Variants in NBR1 observed in about 807,000 individuals in gnomAD.
The protein encoded by NBR1 is next to BRCA1 gene 1 protein.
A neutral mutation model predicts 115.5 loss-of-function variants in NBR1; 59 were observed. That is an observed-to-expected ratio of 0.51 (90% CI 0.41 to 0.63). NBR1 has a LOEUF of 0.63. Ranked by LOEUF, NBR1 falls within the 30% of genes least tolerant of loss-of-function variation. The pLI, the probability that NBR1 is intolerant of heterozygous loss-of-function variation, is 0.00. For missense variants in NBR1, 1,043 were observed against 1,150.5 expected, an observed-to-expected ratio of 0.91 and a Z score of 1.35; for synonymous variants, 373 against 414.7, an observed-to-expected ratio of 0.90 and a Z score of 1.22.
rs1438971151 is a variant in NBR1 at position 43,210,839 on chromosome 17, T to C, written c.*765T>C. On this transcript the variant is annotated 3_prime_UTR_variant, in exon 21 of 21. Transcript: ENST00000590996. ...ATTGTGAAATATTTTGCTAATCTTA[T>C]AGAAAAGGAAAAAATCCCGTTATTT... 6 of 397,638 alleles carry C rather than the reference T, an allele frequency of 1.5e-5. No homozygotes were observed. Among genetic ancestry groups the C allele is most frequent in the South Asian group, 1.3e-4 (1 of 7,428 alleles). The allele number at this position is 397,638 out of a possible 1,614,324, so 24.6% of individuals were successfully genotyped here.
At chr17:43,207,389 G>C (rs1260000815) in intron 20 of NBR1, among the ~76,000 whole-genome samples, 1 of 152,132 alleles carries the variant, frequency 6.6e-6, no homozygotes, top group Non-Finnish European at 1.5e-5. Flanking sequence ...ACAGGGTCTT[G>C]CTCTGTCATC....
intron 20 of NBR1, among the ~76,000 whole-genome samples, chr17:43,208,561 T>C (rs2057358944): frequency 6.6e-6 from 1 of 152,078 alleles, no homozygotes; most frequent in African/African-American, 2.4e-5. Flanking sequence ...GATAGCACAG[T>C]TGGTAAGTAA....
rs2056990354 is a variant in NBR1 at position 43,193,280 on chromosome 17, T to C, written c.1233+27T>C. The stretch of plus-strand genomic sequence containing the variant: ...TAATTTTTCCCACAAAATGCAAAGA[T>C]GAGGTGATTTGAAGTGGCAGAGTGC... On this transcript the variant is annotated intron_variant, in intron 11 of 20. Coordinates refer to ENST00000590996, the MANE Select transcript of NBR1 (RefSeq NM_005899.5). The C allele has an allele frequency of 1.9e-6, 3 of 1,613,488 alleles. No homozygotes were observed. In the South Asian group the frequency reaches 3.3e-5, roughly 18 times the overall value.
At position 43,210,122 on chromosome 17, in the gene NBR1, T is replaced by G; in HGVS notation, c.*48T>G. On this transcript the variant is annotated 3_prime_UTR_variant, in exon 21 of 21. Coordinates refer to ENST00000590996, the MANE Select transcript of NBR1 (RefSeq NM_005899.5). Reference sequence around the variant, plus strand: ...CTGCCTGCTGCTCAGAGATGATCTTTATTCTGTCATTGGGGTATGGGATAG... The same window carrying G: ...CTGCCTGCTGCTCAGAGATGATCTTGATTCTGTCATTGGGGTATGGGATAG... 1.9e-6 allele frequency: 3 copies of G among 1,550,102 alleles called. No individual in the cohort carries two copies. Among genetic ancestry groups the G allele is most frequent in the Non-Finnish European group, 2.6e-6 (3 of 1,139,472 alleles).
Position 43,210,009 on chromosome 17 carries a change from A to G in NBR1, c.2836A>G (p.Ile946Val). The G allele has an allele frequency of 1.9e-6, 3 of 1,613,628 alleles. No individual in the cohort carries two copies. Among genetic ancestry groups the G allele is most frequent in the Non-Finnish European group, 2.5e-6 (3 of 1,179,684 alleles). ...LRLLKKHNYN[I>V]LQVVTELLQL... ...GCTGCTGAAGAAACACAATTACAAT[A>G]TCCTGCAGGTTGTGACAGAACTTCT... Residue 946 changes from isoleucine (I) to valine (V), a missense_variant, in exon 21 of 21, where the codon ATC becomes GTC. By Grantham distance (29) the Ile-to-Val change is conservative. Coordinates refer to ENST00000590996, the MANE Select transcript of NBR1 (RefSeq NM_005899.5).
chr17:43,188,977 C>A, intron 6 of NBR1, 65 bp from the exon 7 acceptor site: 1 of 1,142,480 alleles, frequency 8.8e-7, no homozygotes, highest in Non-Finnish European at 1.3e-6. Context: ...AAATAATACA[C>A]TCCAGGAAAA....
At chr17:43,177,829 T>G in intron 2 of NBR1, 107 bp from the exon 3 acceptor site, 1 of 969,058 alleles carries the variant, frequency 1.0e-6, no homozygotes, top group Non-Finnish European at 1.4e-6. Flanking sequence ...CCCTTTGTTA[T>G]GGGTTATTAA....
chr17:43,210,662 C>A lies in NBR1; in HGVS notation c.*588C>A, dbSNP rs2057400987. 1 of 398,516 alleles carries A rather than the reference C, an allele frequency of 2.5e-6. No individual in the cohort carries two copies. The highest frequency in any genetic ancestry group is 4.4e-6 in the Non-Finnish European group (1 of 226,046). 24.7% of individuals were successfully genotyped at this position (398,516 alleles called of 1,614,324 possible). A position where few individuals can be genotyped will look rare whatever the true frequency, so the allele number is the denominator to read the frequency against. ...TTGGCACCGTTGCTTTCTAAAGACT[C>A]CATGGTGCATTCAAGAGTATCCAAC... is the stretch of plus-strand genomic sequence containing the variant. On this transcript the variant is annotated 3_prime_UTR_variant, in exon 21 of 21. Transcript: ENST00000590996.
At chr17:43,176,064 T>C in intron 2 of NBR1, 163 bp downstream of exon 2, 1 of 525,540 alleles carries the variant, frequency 1.9e-6, no homozygotes, top group Non-Finnish European at 3.4e-6. Context: ...TATTCATATA[T>C]GAGATGTGCC....
chr17:43,186,383 A>G lies in NBR1; in HGVS notation c.341A>G (p.Tyr114Cys), dbSNP rs756845401. The G allele has an allele frequency of 6.2e-7, 1 of 1,601,886 alleles. No homozygotes were observed. Among genetic ancestry groups the G allele is most frequent in the South Asian group, 1.1e-5 (1 of 88,374 alleles). ...GCAGGGAAGAAGCCACTTGCACATT[A>G]CTCTTCACTGGTGAGAGTCTTGGGA... ...ARAGKKPLAH[Y>C]SSLVRVLGSD... Residue 114 changes from tyrosine to cysteine, a missense_variant, in exon 6 of 21, where the codon TAC (tyrosine) becomes TGC (cysteine). Coordinates refer to ENST00000590996, the MANE Select transcript of NBR1 (RefSeq NM_005899.5).
Position 43,191,390 on chromosome 17 carries a change from T to C in NBR1, c.882T>C (p.Asp294=). 1 of 1,612,860 alleles carries C rather than the reference T, an allele frequency of 6.2e-7. No individual in the cohort carries two copies. ...LEQVRLQKQV[D]KNFLKAEKQR... Reference sequence around the variant, plus strand: ...CTCACAGGCTCCAGAAACAGGTTGATAAGAACTTTCTTAAAGCAGAAAAGC... The same window carrying C: ...CTCACAGGCTCCAGAAACAGGTTGACAAGAACTTTCTTAAAGCAGAAAAGC... Residue 294 remains aspartate, a synonymous_variant, in exon 10 of 21, where the codon GAT becomes GAC. Transcript: ENST00000590996.
chr17:43,205,073 T>A (rs989518412), intron 20 of NBR1, among the ~76,000 whole-genome samples: 2 of 152,052 alleles, frequency 1.3e-5, no homozygotes, highest in African/African-American at 4.8e-5. Context: ...GATACTATGC[T>A]GGCCGGGTGT....
chr17:43,197,242 G>A, intron 16 of NBR1, 136 bp downstream of exon 16: 1 of 909,756 alleles, frequency 1.1e-6, no homozygotes. Flanking sequence ...GATCTTGGCG[G>A]GGCGTGGTGG....
rs1432339023 is a variant in NBR1, at chr17:43,203,775, G to C, written c.2716G>C (p.Val906Leu). The change falls in exon 20 of 21, where the codon GTC (valine) becomes CTC (leucine). Residue 906 changes from valine (V) to leucine (L), a missense_variant. Physicochemically the swap from Val to Leu is conservative, Grantham distance 32 (BLOSUM62 1). Transcript: ENST00000590996. ...CAAGGCCCTGTTTGCTGGGCCACCA[G>C]TCACTGCACAGGTCAGTGTGTGTGT... Reference protein sequence around the residue: ...AYKALFAGPPVTAQPIISEDQ... With the variant: ...AYKALFAGPPLTAQPIISEDQ... 6.3e-7 allele frequency: 1 copy of C among 1,593,374 alleles called. No individual in the cohort carries two copies.
chr17:43,199,469 G>C (rs1598006338), intron 16 of NBR1, among the ~76,000 whole-genome samples: 1 of 151,780 alleles, frequency 6.6e-6, no homozygotes, highest in African/African-American at 2.4e-5. Flanking sequence ...CGCCTTCCCA[G>C]GTTCACACCA....
intron 1 of NBR1, among the ~76,000 whole-genome samples, chr17:43,174,822 G>A (rs1271357355): frequency 3.3e-5 from 5 of 151,536 alleles, no homozygotes; most frequent in Non-Finnish European, 1.5e-5. Flanking sequence ...AAGGCCAGGT[G>A]CGGTGGCTCA....
chr17:43,209,862 ATTTTTT>A, intron 20 of NBR1, 33 bp from the exon 21 acceptor site: 3 of 1,367,010 alleles, frequency 2.2e-6, no homozygotes, highest in Admixed American at 3.3e-5. Context: ...ATTATACAGA[ATTTTTT>A]TTTTTTTTTT....
At chr17:43,186,553 A>T in intron 6 of NBR1, 109 bp downstream of exon 6, 1 of 970,716 alleles carries the variant, frequency 1.0e-6, no homozygotes. Context: ...AAGTTCTGAG[A>T]TACATGTGCA....
At chr17:43,176,069 T>C in intron 2 of NBR1, 168 bp downstream of exon 2, 1 of 505,764 alleles carries the variant, frequency 2.0e-6, no homozygotes, top group Non-Finnish European at 3.6e-6. Context: ...ATATATGAGA[T>C]GTGCCCCAAT....
Sources: gnomAD v4.1 joint callset for allele counts (sites outside exome capture counted in the v4.1 genomes callset) on GRCh38, gnomAD v4.1.1 for gene constraint, MANE v1.5 for transcripts, NCBI Gene and HGNC (gene_info 2026-07-23, HGNC 2026-07-21) for gene names.